Variants in GPC3 observed in about 807,000 individuals in gnomAD.
The protein encoded by GPC3 is glypican 3.
Under a neutral mutation model 34.4 loss-of-function variants are expected in GPC3, and 3 were observed. The ratio of observed to expected loss-of-function variants is 0.09; its 90% CI spans 0.04 to 0.23. The LOEUF (loss-of-function observed/expected upper bound fraction) is 0.23, where lower values mean the gene tolerates loss of function less well. Ranked by LOEUF, GPC3 falls within the 10% of genes least tolerant of loss-of-function variation. The pLI, the probability that GPC3 is intolerant of heterozygous loss-of-function variation, is 1.00. For synonymous variants in GPC3, 177 were observed against 174.0 expected, an observed-to-expected ratio of 1.02 and a Z score of -0.13; for missense variants, 351 against 445.6, an observed-to-expected ratio of 0.79 and a Z score of 1.91.
intron 2 of GPC3, among the ~76,000 whole-genome samples, chrX:133,844,634 T>G (rs1180854401): frequency 9.0e-6 from 1 of 111,324 alleles, no homozygotes; most frequent in Non-Finnish European, 1.9e-5. Flanking sequence ...GTAAAGAAAA[T>G]AAAATAAAAG....
At chrX:133,746,208 G>A in intron 3 of GPC3, among the ~76,000 whole-genome samples, 1 of 112,103 alleles carries the variant, frequency 8.9e-6, no homozygotes, top group Non-Finnish European at 1.9e-5. Flanking sequence ...AGGCTAGCTT[G>A]TTTGCTTGCA....
At chrX:133,624,329 C>A (rs906765939) in intron 6 of GPC3, among the ~76,000 whole-genome samples, 3 of 110,824 alleles carry the variant, frequency 2.7e-5, no homozygotes, top group East Asian at 2.8e-4. Flanking sequence ...TGAAGGAGAT[C>A]GAGACACAAA....
At chrX:133,829,090 A>G (rs904173547) in intron 2 of GPC3, among the ~76,000 whole-genome samples, 2 of 112,194 alleles carry the variant, frequency 1.8e-5, no homozygotes, top group Non-Finnish European at 3.8e-5. Context: ...CAAGAGACAC[A>G]TTTTAGATTC....
chrX:133,733,842 C>G (rs192019613), intron 3 of GPC3, among the ~76,000 whole-genome samples: 8 of 111,577 alleles, frequency 7.2e-5, no homozygotes, highest in African/African-American at 2.6e-4. Context: ...AAAACTGACT[C>G]AGGAAGAAAT....
chrX:133,663,271 C>T (rs2124403119), intron 5 of GPC3, among the ~76,000 whole-genome samples: 1 of 112,043 alleles, frequency 8.9e-6, no homozygotes, highest in East Asian at 2.9e-4. Flanking sequence ...AACCCCATCT[C>T]TACAAAAAAT....
At chrX:133,775,654 T>C (rs778186234) in intron 2 of GPC3, among the ~76,000 whole-genome samples, 1 of 111,536 alleles carries the variant, frequency 9.0e-6, no homozygotes, top group African/African-American at 3.3e-5. Context: ...AGCAAAAGGA[T>C]GTGTATATTG....
chrX:133,959,900 G>A (rs1602563392), intron 1 of GPC3, among the ~76,000 whole-genome samples: 1 of 112,041 alleles, frequency 8.9e-6, no homozygotes, highest in East Asian at 2.8e-4. Flanking sequence ...TTACATGGGT[G>A]TACACATTTG....
At chrX:133,711,852 G>T (rs1268257671) in intron 3 of GPC3, among the ~76,000 whole-genome samples, 1 of 111,347 alleles carries the variant, frequency 9.0e-6, no homozygotes, top group African/African-American at 3.3e-5. Context: ...GCTCTTACTG[G>T]CTATCTAGGT....
intron 6 of GPC3, among the ~76,000 whole-genome samples, chrX:133,641,472 T>C (rs1458750266): frequency 1.9e-5 from 2 of 106,828 alleles, no homozygotes; most frequent in Admixed American, 1.0e-4. Flanking sequence ...CAAGACTGTC[T>C]CAAAGAAAAA....
intron 2 of GPC3, among the ~76,000 whole-genome samples, chrX:133,884,225 T>A (rs1031407924): frequency 9.0e-6 from 1 of 111,680 alleles, no homozygotes. Flanking sequence ...CGTTTACCAA[T>A]TGCCCTAAGA....
At chrX:133,609,908 G>C in intron 6 of GPC3, among the ~76,000 whole-genome samples, 1 of 112,073 alleles carries the variant, frequency 8.9e-6, no homozygotes, top group Non-Finnish European at 1.9e-5. Flanking sequence ...AGCATAGCTT[G>C]GGTTAATTTC....
intron 6 of GPC3, among the ~76,000 whole-genome samples, chrX:133,656,321 T>C (rs1484763823): frequency 8.9e-6 from 1 of 112,429 alleles, no homozygotes. Flanking sequence ...CTTTTCTATA[T>C]AGATCTTCCT....
At chrX:133,659,131 T>G (rs189781017) in intron 6 of GPC3, among the ~76,000 whole-genome samples, 4 of 112,378 alleles carry the variant, frequency 3.6e-5, no homozygotes, top group African/African-American at 1.3e-4. Context: ...ATGATAGATA[T>G]ACACTGGAGT....
chrX:133,787,388 T>C (rs2072112014), intron 2 of GPC3, among the ~76,000 whole-genome samples: 1 of 112,727 alleles, frequency 8.9e-6, no homozygotes, highest in African/African-American at 3.2e-5. Flanking sequence ...CATGATTATA[T>C]GAAGCAATGA....
intron 7 of GPC3, among the ~76,000 whole-genome samples, chrX:133,580,064 A>G (rs976239194): frequency 8.9e-6 from 1 of 112,195 alleles, no homozygotes; most frequent in Non-Finnish European, 1.9e-5. Context: ...GGAGCATAGG[A>G]TGGAGTAGGG....
intron 5 of GPC3, among the ~76,000 whole-genome samples, chrX:133,667,631 G>A (rs973670972): frequency 3.6e-5 from 4 of 110,759 alleles, no homozygotes; most frequent in African/African-American, 9.9e-5. Flanking sequence ...TGGGCAGATC[G>A]TCTGAGTCCA....
At chrX:133,653,280 G>T (rs959807775) in intron 6 of GPC3, among the ~76,000 whole-genome samples, 3 of 111,676 alleles carry the variant, frequency 2.7e-5, no homozygotes, top group African/African-American at 9.8e-5. Flanking sequence ...GTTAAAATAG[G>T]AATGGGGGAC....
chrX:133,958,160 T>C (rs1343164436), intron 1 of GPC3, among the ~76,000 whole-genome samples: 1 of 112,447 alleles, frequency 8.9e-6, no homozygotes, highest in South Asian at 3.7e-4. Flanking sequence ...TTCACTCCCA[T>C]TCAGCCCTGT....
intron 2 of GPC3, among the ~76,000 whole-genome samples, chrX:133,860,274 A>G (rs73241306): frequency 1.8e-5 from 2 of 111,488 alleles, no homozygotes; most frequent in Non-Finnish European, 3.8e-5. Context: ...CATTATTAGT[A>G]CCGTTTTTTT....
Sources: allele counts gnomAD v4.1 joint callset (sites outside exome capture counted in the v4.1 genomes callset), GRCh38; gene constraint gnomAD v4.1.1; transcripts MANE v1.5; gene names NCBI Gene and HGNC (gene_info 2026-07-23, HGNC 2026-07-21).